The following AGO2 variants were observed in gnomAD, a reference collection of about 807,000 sequenced individuals.
The protein encoded by AGO2 is argonaute RISC catalytic component 2.
AGO2 carries 5 observed loss-of-function variants against 102.3 expected under a neutral mutation model. The ratio of observed to expected loss-of-function variants is 0.05; its 90% CI spans 0.03 to 0.10. The LOEUF (loss-of-function observed/expected upper bound fraction) is 0.10. AGO2 is among the 10% of genes least tolerant of loss of function. The pLI is 1.00. For missense variants in AGO2, 541 were observed against 1,183.7 expected, an observed-to-expected ratio of 0.46 and a Z score of 7.97; for synonymous variants, 449 against 473.1, an observed-to-expected ratio of 0.95 and a Z score of 0.66.
intron 17 of AGO2, among the ~76,000 whole-genome samples, chr8:140,533,992 A>C (rs976620512): frequency 6.6e-6 from 1 of 152,056 alleles, no homozygotes; most frequent in Non-Finnish European, 1.5e-5. Context: ...TGCCTGCTCC[A>C]CCTGCCAGCC....
upstream of AGO2, among the ~76,000 whole-genome samples, chr8:140,640,621 G>A (rs964401536): frequency 1.3e-5 from 2 of 152,122 alleles, no homozygotes; most frequent in Admixed American, 1.3e-4. Context: ...CCGGGTTCAA[G>A]CGATTCTCCT....
rs2072681923 is a variant in AGO2 at position 140,535,551 on chromosome 8, T to C, written c.2188A>G (p.Ile730Val). The change falls in exon 17 of 19, where the codon ATT becomes GTT. Residue 730 changes from isoleucine to valine, a missense_variant. Ile to Val is a conservative substitution (Grantham distance 29, BLOSUM62 3). Coordinates refer to ENST00000220592, the MANE Select transcript of AGO2 (RefSeq NM_012154.5). Reference sequence around the variant, plus strand: ...GTGTCCACAGTCGTGCCTGCTGGAATGTTTCCACTTTTCCCAACCTTCGGC... The same window carrying C: ...GTGTCCACAGTCGTGCCTGCTGGAACGTTTCCACTTTTCCCAACCTTCGGC... ...KNERVGKSGN[I>V]PAGTTVDTKI... The C allele has an allele frequency of 1.2e-6, 2 of 1,614,116 alleles. No homozygotes were observed. The highest frequency in any genetic ancestry group is 1.3e-5 in the African/African-American group (1 of 74,952).
intron 1 of AGO2, among the ~76,000 whole-genome samples, chr8:140,594,071 C>G (rs1451835513): frequency 6.6e-6 from 1 of 152,190 alleles, no homozygotes; most frequent in Non-Finnish European, 1.5e-5. Context: ...CACGATGCCA[C>G]TCACCCTACA....
intron 3 of AGO2, among the ~76,000 whole-genome samples, chr8:140,571,601 G>C (rs562438816): frequency 2.0e-5 from 3 of 152,332 alleles, no homozygotes; most frequent in African/African-American, 7.2e-5. Flanking sequence ...GAGACCCTTT[G>C]CATACGGAGC....
At chr8:140,538,603 C>T (rs927807577) in intron 16 of AGO2, among the ~76,000 whole-genome samples, 3 of 152,224 alleles carry the variant, frequency 2.0e-5, no homozygotes, top group Admixed American at 6.5e-5. Context: ...CACCTCTCCT[C>T]CCCTCCTCAG....
Position 140,526,682 on chromosome 8 carries a change from T to C in AGO2, c.*5362A>G, listed in dbSNP as rs2072512380. On this transcript the variant is annotated 3_prime_UTR_variant, in exon 19 of 19. Transcript: ENST00000220592. This position sits in a 1 kb window ranked among gnomAD's most constrained non-coding sequence, Gnocchi z 5.2. ...GCATTTTTTTTTAAACTAAAAGGTA[T>C]TTAGGAACCACCTTCTGTAGTGATT... The C allele has an allele frequency of 6.6e-6, 1 of 152,156 alleles. No homozygotes were observed. The highest frequency in any genetic ancestry group is 1.5e-5 in the Non-Finnish European group (1 of 68,020). The allele number at this position is 152,156 out of a possible 1,614,324, so 9.4% of individuals were successfully genotyped here. A position where few individuals can be genotyped will look rare whatever the true frequency, so the allele number is the denominator to read the frequency against.
chr8:140,568,852 T>C (rs1564092168), intron 3 of AGO2, among the ~76,000 whole-genome samples: 1 of 152,142 alleles, frequency 6.6e-6, no homozygotes, highest in African/African-American at 2.4e-5. Context: ...CCTGACCAGC[T>C]TGTATTGGGG....
intron 16 of AGO2, among the ~76,000 whole-genome samples, chr8:140,537,231 G>A (rs558622060): frequency 1.1e-4 from 17 of 152,098 alleles, no homozygotes; most frequent in African/African-American, 4.1e-4. Flanking sequence ...TAACCCTTCC[G>A]TGTGAACTCA....
Position 140,531,778 on chromosome 8 carries a change from C to A in AGO2, c.*266G>T. The A allele has an allele frequency of 3.0e-6, 1 of 333,850 alleles. No homozygotes were observed. Among genetic ancestry groups the A allele is most frequent in the Non-Finnish European group, 5.6e-6 (1 of 178,270 alleles). The allele number at this position is 333,850 out of a possible 1,614,324, so 20.7% of individuals were successfully genotyped here. A position where few individuals can be genotyped will look rare whatever the true frequency, so the allele number is the denominator to read the frequency against. ...GACTGGTTTTAGGAGATTTTTAGGA[C>A]ACACGGGACTCTGTTTTAATAAGCA... On this transcript the variant is annotated 3_prime_UTR_variant, in exon 19 of 19. Transcript: ENST00000220592.
chr8:140,568,893 G>A lies in AGO2; in HGVS notation c.336+3919C>T, dbSNP rs912040035. 3.9e-5 allele frequency among the ~76,000 whole-genome samples: 6 copies of A among 152,172 alleles called. 1 individual carries two copies. In the East Asian group the frequency reaches 7.7e-4, roughly 20 times the overall value. ...TTGGGTCAAAGCACCTGGCTCATTC[G>A]AGGGGACCCTTGGCCCTGAGAGGTT... On this transcript the variant is annotated intron_variant, in intron 3 of 18. Transcript: ENST00000220592.
intron 1 of AGO2, among the ~76,000 whole-genome samples, chr8:140,597,480 C>CT (rs1246722265): frequency 7.6e-6 from 1 of 132,126 alleles, no homozygotes; most frequent in African/African-American, 2.7e-5. Flanking sequence ...CCCCACCCCC[C>CT]CCCCCCCGCC....
intron 2 of AGO2, among the ~76,000 whole-genome samples, chr8:140,575,953 C>G (rs533197594): frequency 1.3e-5 from 2 of 152,104 alleles, no homozygotes; most frequent in Non-Finnish European, 2.9e-5. Context: ...AATTCATAAA[C>G]TAGGCTCCAT....
intron 6 of AGO2, 81 bp from the exon 7 acceptor site, chr8:140,558,653 T>G: frequency 6.8e-7 from 1 of 1,472,774 alleles, no homozygotes; most frequent in Non-Finnish European, 9.5e-7. Flanking sequence ...TCAGTTTTCA[T>G]AGGAATGTGG....
chr8:140,553,019 G>C (rs372868569), intron 10 of AGO2, among the ~76,000 whole-genome samples: 3 of 152,292 alleles, frequency 2.0e-5, no homozygotes, highest in Admixed American at 6.5e-5. Flanking sequence ...ATGGACCAGG[G>C]GTAGGTAGAG....
chr8:140,587,077 G>A (rs2073671094), intron 1 of AGO2, among the ~76,000 whole-genome samples: 1 of 152,094 alleles, frequency 6.6e-6, no homozygotes, highest in Non-Finnish European at 1.5e-5. Flanking sequence ...CCTCCACCGG[G>A]CCCCCAAGCA....
chr8:140,558,083 C>T (rs530605100), intron 7 of AGO2, among the ~76,000 whole-genome samples: 6 of 152,356 alleles, frequency 3.9e-5, no homozygotes, highest in East Asian at 3.9e-4. Context: ...CCCCCCACTC[C>T]GGCCTGCGTA....
chr8:140,553,404 GTTT>G (rs1386366277), intron 10 of AGO2, among the ~76,000 whole-genome samples: 1 of 101,704 alleles, frequency 9.8e-6, no homozygotes, highest in Non-Finnish European at 1.9e-5. Context: ...CAAGTTTTTT[GTTT>G]TTTGTTTTTT....
chr8:140,614,216 C>T (rs1588507446), intron 1 of AGO2, among the ~76,000 whole-genome samples: 1 of 151,842 alleles, frequency 6.6e-6, no homozygotes, highest in East Asian at 1.9e-4. Context: ...CCCAGCTACT[C>T]GGGAGGCAGA....
At chr8:140,590,955 T>C (rs1050638672) in intron 1 of AGO2, among the ~76,000 whole-genome samples, 1 of 152,156 alleles carries the variant, frequency 6.6e-6, no homozygotes, top group African/African-American at 2.4e-5. Context: ...ACACAGGATG[T>C]AGCCATCCAC....
Sources: allele counts gnomAD v4.1 joint callset (sites outside exome capture counted in the v4.1 genomes callset), GRCh38; gene constraint gnomAD v4.1.1; non-coding constraint Gnocchi (gnomAD v3.1); transcripts MANE v1.5; gene names NCBI Gene and HGNC (gene_info 2026-07-23, HGNC 2026-07-21).